The following TMOD2 variants were observed in gnomAD, a reference collection of about 807,000 sequenced individuals.
TMOD2 encodes tropomodulin 2, also known as tropomodulin-2.
A neutral mutation model predicts 39.9 loss-of-function variants in TMOD2; 22 were observed. The ratio of observed to expected loss-of-function variants is 0.55; its 90% CI spans 0.39 to 0.79. TMOD2 has a LOEUF of 0.79. Among genes scored for constraint, TMOD2 ranks in the 30% least tolerant of loss-of-function variants. The pLI is 0.00. For synonymous variants in TMOD2, 123 were observed against 146.1 expected, an observed-to-expected ratio of 0.84 and a Z score of 1.14; for missense variants, 386 against 413.3, an observed-to-expected ratio of 0.93 and a Z score of 0.57.
At chr15:51,799,478 C>A (rs1481694492) in intron 8 of TMOD2, among the ~76,000 whole-genome samples, 2 of 151,992 alleles carry the variant, frequency 1.3e-5, no homozygotes, top group Non-Finnish European at 2.9e-5. Flanking sequence ...TCAGTGCAGG[C>A]CCTCTGGCCC....
At chr15:51,798,437 TGTGA>T in intron 8 of TMOD2, 97 bp downstream of exon 8, 1 of 1,416,390 alleles carries the variant, frequency 7.1e-7, no homozygotes, top group Non-Finnish European at 9.6e-7. Context: ...CAGTTCTGTG[TGTGA>T]CTCAATTTGA....
At chr15:51,761,814 A>T (rs1375835562) in intron 1 of TMOD2, among the ~76,000 whole-genome samples, 1 of 152,056 alleles carries the variant, frequency 6.6e-6, no homozygotes, top group Non-Finnish European at 1.5e-5. Flanking sequence ...TCACTAAGAA[A>T]AAAAGGCTGG....
chr15:51,777,087 C>T (rs1261816004), intron 5 of TMOD2, 69 bp downstream of exon 5: 1 of 1,318,140 alleles, frequency 7.6e-7, no homozygotes, highest in Non-Finnish European at 1.1e-6. Flanking sequence ...AGGAGAGAGG[C>T]CTGTTGAGTC....
At position 51,773,762 on chromosome 15, in the gene TMOD2, A is replaced by C. The variant is rs1256942582; in HGVS notation, c.334A>C (p.Lys112Gln). The change falls in exon 4 of 10, where the codon AAA (lysine) becomes CAA (glutamine). Residue 112 changes from lysine to glutamine, a missense_variant. Coordinates refer to ENST00000249700, the MANE Select transcript of TMOD2 (RefSeq NM_014548.4). ...GCCTATAGAAACTCGTAAAGAAGAA[A>C]AAGTGACCCTTGACCCAGAACTGGA... ...EKPIETRKEE[K>Q]VTLDPELEEA... 6.2e-7 allele frequency: 1 copy of C among 1,613,404 alleles called. No homozygotes were observed. The highest frequency in any genetic ancestry group is 8.5e-7 in the Non-Finnish European group (1 of 1,179,780).
chr15:51,790,559 AGG>A (rs1206056234), intron 7 of TMOD2, among the ~76,000 whole-genome samples: 2 of 152,294 alleles, frequency 1.3e-5, no homozygotes, highest in East Asian at 3.9e-4. Context: ...ACAAAAAAAG[AGG>A]ATGTTTAAGC....
In TMOD2 at chr15:51,768,363, G is replaced by A. The variant is rs1479963352; in HGVS notation, c.228G>A (p.Glu76=). 1 of 1,614,142 alleles carries A rather than the reference G, an allele frequency of 6.2e-7. No individual in the cohort carries two copies. The change falls in exon 3 of 10, where the codon GAG becomes GAA. Residue 76 remains glutamate, a synonymous_variant. Coordinates refer to ENST00000249700, the MANE Select transcript of TMOD2 (RefSeq NM_014548.4). ...REHLLMYLEK[E]ALEQKDREDF... is the part of the protein sequence containing the mutation. ...ACCTCCTCATGTACCTGGAGAAGGA[G>A]GCTTTGGAACAGAAAGACAGAGAGG...
chr15:51,762,356 G>C (rs1487604501), intron 1 of TMOD2, among the ~76,000 whole-genome samples: 3 of 152,096 alleles, frequency 2.0e-5, no homozygotes, highest in Non-Finnish European at 4.4e-5. Context: ...CTACTTAGGA[G>C]ACTGATGTGG....
intron 3 of TMOD2, among the ~76,000 whole-genome samples, chr15:51,770,057 C>G (rs565963869): frequency 1.3e-5 from 2 of 152,182 alleles, no homozygotes; most frequent in South Asian, 2.1e-4. Flanking sequence ...CAAACCAAAT[C>G]TTGGCATTTC....
chr15:51,776,200 A>C (rs556008261), intron 4 of TMOD2, among the ~76,000 whole-genome samples: 191 of 151,994 alleles, frequency 1.3e-3, no homozygotes, highest in Non-Finnish European at 2.1e-3. Flanking sequence ...TCTCAGAGGC[A>C]CTCCTCTGCC....
At chr15:51,793,333 T>C (rs202171439) in intron 7 of TMOD2, among the ~76,000 whole-genome samples, 3 of 152,210 alleles carry the variant, frequency 2.0e-5, no homozygotes. Context: ...ATATCCAAAA[T>C]GTAATTTGAA....
intron 9 of TMOD2, among the ~76,000 whole-genome samples, chr15:51,807,561 C>T (rs2056129056): frequency 6.6e-6 from 1 of 151,872 alleles, no homozygotes; most frequent in African/African-American, 2.4e-5. Context: ...TCAGAAGGCA[C>T]CTAGGAAAAG....
Position 51,808,534 on chromosome 15 carries a change from AT to A in TMOD2, c.*84del. ...ACTCTTCTTCTTCCCCATCAGGACC[AT>A]TTTATCAAAGTTCGTTCATTTCCGT... On this transcript the variant is annotated 3_prime_UTR_variant, in exon 10 of 10. Transcript: ENST00000249700. 2.5e-6 allele frequency: 3 copies of A among 1,210,840 alleles called. No individual in the cohort carries two copies. The highest frequency in any genetic ancestry group is 2.2e-5 in the Admixed American group (1 of 45,952). 75.0% of individuals were successfully genotyped at this position (1,210,840 alleles called of 1,614,324 possible).
Position 51,810,771 on chromosome 15 carries a change from A to G in TMOD2, c.*2317A>G, listed in dbSNP as rs1463298217. The G allele has an allele frequency of 2.2e-5, 2 of 88,896 alleles. No individual in the cohort carries two copies. The highest frequency in any genetic ancestry group is 9.1e-5 in the African/African-American group (2 of 22,000). The allele number at this position is 88,896 out of a possible 1,614,324, so 5.5% of individuals were successfully genotyped here. A position where few individuals can be genotyped will look rare whatever the true frequency, so the allele number is the denominator to read the frequency against. On this transcript the variant is annotated 3_prime_UTR_variant, in exon 10 of 10. Coordinates refer to ENST00000249700, the MANE Select transcript of TMOD2 (RefSeq NM_014548.4). ...TTTCCTTTTTTTTTTTTTTTTTCTTACTCTCATTCTTGCCTTGACTCTTAA... is the reference window on the plus strand; with the variant it reads ...TTTCCTTTTTTTTTTTTTTTTTCTTGCTCTCATTCTTGCCTTGACTCTTAA...
chr15:51,808,612 T>C lies in TMOD2; in HGVS notation c.*158T>C, dbSNP rs1286488734. Reference sequence around the variant, plus strand: ...TTATTCTTTTTTAGCACTACTTATTTATCTTGGATTTTGTAATATATGCAA... The same window carrying C: ...TTATTCTTTTTTAGCACTACTTATTCATCTTGGATTTTGTAATATATGCAA... On this transcript the variant is annotated 3_prime_UTR_variant, in exon 10 of 10. Coordinates refer to ENST00000249700, the MANE Select transcript of TMOD2 (RefSeq NM_014548.4). 4.1e-6 allele frequency: 2 copies of C among 492,706 alleles called. No individual in the cohort carries two copies. Among genetic ancestry groups the C allele is most frequent in the Non-Finnish European group, 7.0e-6 (2 of 286,628 alleles). The allele number at this position is 492,706 out of a possible 1,614,324, so 30.5% of individuals were successfully genotyped here.
chr15:51,751,907 G>A (rs2055706593), intron 1 of TMOD2, among the ~76,000 whole-genome samples, 195 bp downstream of exon 1: 1 of 149,672 alleles, frequency 6.7e-6, no homozygotes, highest in Non-Finnish European at 1.5e-5. Flanking sequence ...GCTGCGCCGG[G>A]AGACCAGGCG....
chr15:51,771,830 A>G (rs1029919777), intron 3 of TMOD2, among the ~76,000 whole-genome samples: 12 of 152,204 alleles, frequency 7.9e-5, no homozygotes, highest in African/African-American at 2.4e-4. Context: ...TCCATTTTCT[A>G]TCTTCTGGCC....
chr15:51,792,747 A>G (rs1401865048), intron 7 of TMOD2, among the ~76,000 whole-genome samples: 2 of 152,228 alleles, frequency 1.3e-5, no homozygotes, highest in Admixed American at 6.5e-5. Context: ...TATCATTCTC[A>G]GCAAACCATC....
At chr15:51,766,280 A>AG in intron 1 of TMOD2, 93 bp from the exon 2 acceptor site, 1 of 585,112 alleles carries the variant, frequency 1.7e-6, no homozygotes, top group South Asian at 2.7e-5. Flanking sequence ...TCAATACAGT[A>AG]GGCTCCATTG....
chr15:51,776,924 G>C lies in TMOD2; in HGVS notation c.407-8G>C, dbSNP rs1370969568. The stretch of plus-strand genomic sequence containing the variant: ...CAAACTTAATGCTCATTTGTTGACT[G>C]TTTTTAGCTGTCCTTGGAGTACACA... On this transcript the variant is annotated splice_region_variant and splice_polypyrimidine_tract_variant and intron_variant, in intron 4 of 9. Transcript: ENST00000249700. 6.2e-7 allele frequency: 1 copy of C among 1,612,844 alleles called. No individual in the cohort carries two copies.
Sources: allele counts gnomAD v4.1 joint callset (sites outside exome capture counted in the v4.1 genomes callset), GRCh38; gene constraint gnomAD v4.1.1; transcripts MANE v1.5; gene names NCBI Gene and HGNC (gene_info 2026-07-23, HGNC 2026-07-21).